The following ALKBH5 variants were observed in gnomAD, a reference collection of about 807,000 sequenced individuals.
The protein encoded by ALKBH5 is alkB homolog 5, RNA demethylase.
A neutral mutation model predicts 32.1 loss-of-function variants in ALKBH5; 2 were observed. The ratio of observed to expected loss-of-function variants is 0.06; its 90% CI spans 0.03 to 0.20. The LOEUF is 0.20. ALKBH5 is among the 10% of genes least tolerant of loss of function. The probability of loss-of-function intolerance (pLI) is 1.00; values close to 1 mark genes in which losing one functional copy is unlikely to be tolerated. For missense variants in ALKBH5, 352 were observed against 559.5 expected (o/e 0.63, Z 3.74); for synonymous variants, 300 against 231.7 (o/e 1.29, Z -2.68).
intron 2 of ALKBH5, among the ~76,000 whole-genome samples, chr17:18,200,563 A>G (rs1404192669): frequency 6.6e-6 from 1 of 152,190 alleles, no homozygotes; most frequent in African/African-American, 2.4e-5. Context: ...GTGGTAACCT[A>G]AGCTGGTGTG....
chr17:18,197,966 T>G (rs978476605), intron 2 of ALKBH5, among the ~76,000 whole-genome samples: 1 of 152,154 alleles, frequency 6.6e-6, no homozygotes, highest in Non-Finnish European at 1.5e-5. Flanking sequence ...GCTCCTGTTA[T>G]GGTTTATGGA....
chr17:18,191,846 G>T (rs1337364313), intron 1 of ALKBH5, among the ~76,000 whole-genome samples: 1 of 151,884 alleles, frequency 6.6e-6, no homozygotes, highest in Non-Finnish European at 1.5e-5. Flanking sequence ...TTACTTGGGG[G>T]TCTGAGGCAG....
rs1363520962 is a variant in ALKBH5, at chr17:18,183,949, G to A, written c.-295G>A. 3.3e-6 allele frequency: 2 copies of A among 599,212 alleles called. No homozygotes were observed. Among genetic ancestry groups the A allele is most frequent in the South Asian group, 1.6e-5 (1 of 64,100 alleles). 37.1% of individuals were successfully genotyped at this position (599,212 alleles called of 1,614,324 possible). A position where few individuals can be genotyped will look rare whatever the true frequency, so the allele number is the denominator to read the frequency against. Reference sequence around the variant, plus strand: ...AGGGTCTGGTCGGGAGTCGGGCCGCGTCTCCGCAGCAGCCCTCCGCGGCAT... The same window carrying A: ...AGGGTCTGGTCGGGAGTCGGGCCGCATCTCCGCAGCAGCCCTCCGCGGCAT... On this transcript the variant is annotated 5_prime_UTR_variant, in exon 1 of 4. Transcript: ENST00000399138.
chr17:18,206,724 C>T (rs2047270826), intron 2 of ALKBH5, 91 bp from the exon 3 acceptor site: 2 of 1,441,066 alleles, frequency 1.4e-6, no homozygotes, highest in Non-Finnish European at 9.5e-7. Flanking sequence ...GTCTAGCTGG[C>T]TCCCACTTGG....
chr17:18,186,102 A>G (rs1435701976), intron 1 of ALKBH5, among the ~76,000 whole-genome samples: 4 of 152,194 alleles, frequency 2.6e-5, no homozygotes, highest in Non-Finnish European at 5.9e-5. Context: ...CATCTGTTTC[A>G]TTTGAGTCTA....
intron 1 of ALKBH5, among the ~76,000 whole-genome samples, chr17:18,190,083 GAC>G (rs1270542197): frequency 1.3e-5 from 2 of 152,240 alleles, no homozygotes; most frequent in Non-Finnish European, 2.9e-5. Flanking sequence ...GCTGGAGAGA[GAC>G]AGTCACCAGG....
At chr17:18,191,026 T>C (rs1159272406) in intron 1 of ALKBH5, among the ~76,000 whole-genome samples, 1 of 152,152 alleles carries the variant, frequency 6.6e-6, no homozygotes, top group East Asian at 1.9e-4. Context: ...TCTTCTCCTT[T>C]CCCTGTGAAA....
At chr17:18,201,697 A>G (rs1336212823) in intron 2 of ALKBH5, among the ~76,000 whole-genome samples, 1 of 152,032 alleles carries the variant, frequency 6.6e-6, no homozygotes, top group African/African-American at 2.4e-5. Context: ...GTGAGCCAAG[A>G]TTGCACCACT....
chr17:18,199,117 G>A (rs991948903), intron 2 of ALKBH5, among the ~76,000 whole-genome samples: 1 of 152,198 alleles, frequency 6.6e-6, no homozygotes, highest in African/African-American at 2.4e-5. Flanking sequence ...TGATTGGGGA[G>A]AATGTTATGA....
At chr17:18,199,320 C>G (rs2047222751) in intron 2 of ALKBH5, among the ~76,000 whole-genome samples, 1 of 152,202 alleles carries the variant, frequency 6.6e-6, no homozygotes, top group African/African-American at 2.4e-5. Context: ...CTGGACCTAA[C>G]CTTACTGGAG....
At chr17:18,208,097 A>G in intron 3 of ALKBH5, 122 bp from the exon 4 acceptor site, 2 of 1,049,870 alleles carry the variant, frequency 1.9e-6, no homozygotes, top group South Asian at 1.7e-5. Flanking sequence ...TGCCAGGACT[A>G]CCCTTCGTTG....
chr17:18,189,194 G>A (rs961086125), intron 1 of ALKBH5, among the ~76,000 whole-genome samples: 2 of 152,174 alleles, frequency 1.3e-5, no homozygotes, highest in Admixed American at 6.6e-5. Flanking sequence ...TGGCTAGCAT[G>A]GTGAAACCCT....
chr17:18,203,357 C>T (rs897971560), intron 2 of ALKBH5, among the ~76,000 whole-genome samples: 5 of 152,188 alleles, frequency 3.3e-5, no homozygotes, highest in African/African-American at 1.2e-4. Flanking sequence ...CTCTGGAGGA[C>T]CTAGGATAGG....
At chr17:18,185,822 G>T (rs1295955301) in intron 1 of ALKBH5, among the ~76,000 whole-genome samples, 1 of 152,222 alleles carries the variant, frequency 6.6e-6, no homozygotes, top group Non-Finnish European at 1.5e-5. Context: ...GAACACCTTT[G>T]CTGTTTATGT....
chr17:18,200,731 C>A (rs2047231653), intron 2 of ALKBH5, among the ~76,000 whole-genome samples: 1 of 152,194 alleles, frequency 6.6e-6, no homozygotes, highest in African/African-American at 2.4e-5. Context: ...ATGCTTGGAC[C>A]TTAGCCAGCA....
At chr17:18,193,483 G>A (rs1041772773) in intron 1 of ALKBH5, among the ~76,000 whole-genome samples, 5 of 151,728 alleles carry the variant, frequency 3.3e-5, no homozygotes, top group African/African-American at 1.2e-4. Flanking sequence ...GTAGGCAGAG[G>A]TTGCAGTGAG....
chr17:18,187,817 G>A (rs2047148597), intron 1 of ALKBH5, among the ~76,000 whole-genome samples: 1 of 152,176 alleles, frequency 6.6e-6, no homozygotes, highest in African/African-American at 2.4e-5. Context: ...GGGAGGGGCT[G>A]GTGAAAACAG....
intron 1 of ALKBH5, among the ~76,000 whole-genome samples, chr17:18,189,717 G>C (rs2047162265): frequency 1.3e-5 from 2 of 152,184 alleles, no homozygotes; most frequent in South Asian, 4.2e-4. Flanking sequence ...TTCCTCATCT[G>C]CAAAACCAGT....
At position 18,208,199 on chromosome 17, in the gene ALKBH5, C is replaced by G; in HGVS notation, c.1008-20C>G. ...TCCTGCCAGCCTCTCAGATAACGTC[C>G]TACCTCCCTTTCCTTGCAGGCCACG... On this transcript the variant is annotated intron_variant, in intron 3 of 3. Coordinates refer to ENST00000399138, the MANE Select transcript of ALKBH5 (RefSeq NM_017758.4). 1.3e-6 allele frequency: 2 copies of G among 1,593,008 alleles called. No individual in the cohort carries two copies. Among genetic ancestry groups the G allele is most frequent in the Non-Finnish European group, 1.7e-6 (2 of 1,168,772 alleles).
Sources: allele counts gnomAD v4.1 joint callset (sites outside exome capture counted in the v4.1 genomes callset), GRCh38; gene constraint gnomAD v4.1.1; transcripts MANE v1.5; gene names NCBI Gene and HGNC (gene_info 2026-07-23, HGNC 2026-07-21).